The following KIAA1755 variants were observed in gnomAD, a reference collection of about 807,000 sequenced individuals.
KIAA1755 encodes KIAA1755, also known as uncharacterized protein KIAA1755.
Under a neutral mutation model 91.7 loss-of-function variants are expected in KIAA1755, and 68 were observed. The observed-to-expected ratio is 0.74, with a 90% CI of 0.61 to 0.91. The LOEUF (loss-of-function observed/expected upper bound fraction) is 0.91, where lower values mean the gene tolerates loss of function less well. Ranked by LOEUF, KIAA1755 falls within the 40% of genes least tolerant of loss-of-function variation. The pLI, the probability that KIAA1755 is intolerant of heterozygous loss-of-function variation, is 0.00. For missense variants in KIAA1755, 1,535 were observed against 1,494.4 expected, an observed-to-expected ratio of 1.03 and a Z score of -0.45; for synonymous variants, 610 against 604.6, an observed-to-expected ratio of 1.01 and a Z score of -0.13.
chr20:38,253,921 T>C (rs1272503597), intron 1 of KIAA1755, among the ~76,000 whole-genome samples: 1 of 152,246 alleles, frequency 6.6e-6, no homozygotes, highest in Non-Finnish European at 1.5e-5. Context: ...TTTGCTCTTG[T>C]TGCCCAGGCT....
chr20:38,229,137 T>C (rs2075816317), intron 5 of KIAA1755, among the ~76,000 whole-genome samples: 1 of 152,188 alleles, frequency 6.6e-6, no homozygotes, highest in Non-Finnish European at 1.5e-5. Context: ...CCCTCAAGCC[T>C]TACAACCACT....
intron 4 of KIAA1755, among the ~76,000 whole-genome samples, chr20:38,235,773 T>A (rs1203529971): frequency 6.6e-6 from 1 of 152,256 alleles, no homozygotes; most frequent in African/African-American, 2.4e-5. Flanking sequence ...TGTAATAACT[T>A]GTTATGGCCA....
At chr20:38,253,106 G>C (rs1045103473) in intron 1 of KIAA1755, among the ~76,000 whole-genome samples, 1 of 152,168 alleles carries the variant, frequency 6.6e-6, no homozygotes, top group South Asian at 2.1e-4. Context: ...AGGAGCCAGC[G>C]GGTGTGAGGC....
At chr20:38,248,681 T>TTTATTC (rs2076196856) in intron 1 of KIAA1755, among the ~76,000 whole-genome samples, 1 of 144,788 alleles carries the variant, frequency 6.9e-6, no homozygotes, top group African/African-American at 2.5e-5. Flanking sequence ...TTGTCTTCTC[T>TTTATTC]TTATTATTAT....
In KIAA1755 at chr20:38,241,765, T is replaced by C; in HGVS notation, c.366A>G (p.Lys122=). The C allele has an allele frequency of 1.9e-6, 3 of 1,614,118 alleles. No homozygotes were observed. The South Asian group carries it at 3.3e-5, about 18-fold the overall frequency. ...CTGTGCAGAGGTCCAGGGAGAGGCATTTGATCATGATGCAGACAGACTGCT... is the reference window on the plus strand; with the variant it reads ...CTGTGCAGAGGTCCAGGGAGAGGCACTTGATCATGATGCAGACAGACTGCT... ...QEEQSVCIMI[K]CLSLDLCTVD... is the part of the protein sequence containing the mutation. Residue 122 remains lysine, a synonymous_variant, in exon 3 of 14, where the codon AAA becomes AAG. Transcript: ENST00000279024.
chr20:38,252,454 C>T (rs1364747626), intron 1 of KIAA1755, among the ~76,000 whole-genome samples: 2 of 152,134 alleles, frequency 1.3e-5, no homozygotes, highest in South Asian at 4.1e-4. Context: ...AGGAATGACC[C>T]GTTTTGCAAG....
chr20:38,254,154 G>A (rs1372640689), intron 1 of KIAA1755, among the ~76,000 whole-genome samples: 1 of 152,142 alleles, frequency 6.6e-6, no homozygotes, highest in Non-Finnish European at 1.5e-5. Context: ...CAAAGTGCTG[G>A]GATTACAGTC....
intron 10 of KIAA1755, 142 bp from the exon 11 acceptor site, chr20:38,219,910 C>T (rs2123080331): frequency 9.2e-7 from 1 of 1,085,502 alleles, no homozygotes; most frequent in East Asian, 2.5e-5. Context: ...GTGGGCAGGC[C>T]CTTCACCAAG....
At chr20:38,219,498 T>C in intron 11 of KIAA1755, 132 bp downstream of exon 11, 1 of 1,265,126 alleles carries the variant, frequency 7.9e-7, no homozygotes, top group Non-Finnish European at 1.1e-6. Context: ...TGCCTGGCCT[T>C]TGAAGGATCG....
In KIAA1755 at chr20:38,240,951, C is replaced by G. The variant is rs371537592; in HGVS notation, c.1180G>C (p.Glu394Gln). The stretch of plus-strand genomic sequence containing the variant: ...CCCTGCATCTTGGAGGCAGCTGGCT[C>G]TTGTGAGACACCTGCCCTGAGACCA... ...ASGLRAGVSQEPAASKMQGPL... is the reference protein window; with the variant it reads ...ASGLRAGVSQQPAASKMQGPL... Residue 394 changes from glutamate (E) to glutamine (Q), a missense_variant, in exon 3 of 14, where the codon GAG becomes CAG. By Grantham distance (29) the Glu-to-Gln change is conservative. Transcript: ENST00000279024. The G allele has an allele frequency of 9.4e-5, 151 of 1,613,978 alleles. 1 individual carries two copies. Among genetic ancestry groups the G allele is most frequent in the Non-Finnish European group, 1.2e-4 (147 of 1,179,996 alleles).
chr20:38,244,769 C>T (rs1201261725), intron 2 of KIAA1755, among the ~76,000 whole-genome samples: 2 of 152,088 alleles, frequency 1.3e-5, no homozygotes, highest in South Asian at 2.1e-4. Flanking sequence ...AGTGCAATGG[C>T]GTGATCTTGG....
intron 4 of KIAA1755, among the ~76,000 whole-genome samples, chr20:38,235,140 A>G (rs1429079954): frequency 1.3e-5 from 2 of 152,214 alleles, no homozygotes; most frequent in South Asian, 2.1e-4. Flanking sequence ...ACGAGTGTGA[A>G]TGTATTCTAT....
chr20:38,248,466 G>A (rs1205443), intron 1 of KIAA1755, among the ~76,000 whole-genome samples: 50,296 of 151,844 alleles, frequency 0.33, 8,482 homozygotes, highest in Middle Eastern at 0.49. Flanking sequence ...TACCTGCAAG[G>A]TACTATACTT....
chr20:38,227,411 T>A (rs1430304598), intron 6 of KIAA1755, among the ~76,000 whole-genome samples, 171 bp from the exon 7 acceptor site: 1 of 152,214 alleles, frequency 6.6e-6, no homozygotes, highest in Non-Finnish European at 1.5e-5. Flanking sequence ...CGTGAATCAT[T>A]GGTTAGAAGT....
intron 10 of KIAA1755, among the ~76,000 whole-genome samples, chr20:38,220,780 C>T (rs540678102): frequency 1.9e-4 from 29 of 152,316 alleles, no homozygotes; most frequent in Middle Eastern, 3.4e-3. Context: ...ACATGCCTGC[C>T]GGCCCTGCCT....
chr20:38,249,782 G>T (rs1193258720), intron 1 of KIAA1755, among the ~76,000 whole-genome samples: 1 of 152,058 alleles, frequency 6.6e-6, no homozygotes, highest in Non-Finnish European at 1.5e-5. Flanking sequence ...CTGGCCCGGT[G>T]TCCTCTTCTA....
chr20:38,260,563 G>C lies in KIAA1755; in HGVS notation c.-63C>G, dbSNP rs558344658. The C allele has an allele frequency of 2.0e-6, 3 of 1,479,928 alleles. No homozygotes were observed. Among genetic ancestry groups the C allele is most frequent in the Admixed American group, 5.1e-5 (2 of 39,500 alleles). The allele number at this position is 1,479,928 out of a possible 1,614,324, so 91.7% of individuals were successfully genotyped here. On this transcript the variant is annotated 5_prime_UTR_variant, in exon 1 of 14. Coordinates refer to ENST00000279024, the MANE Select transcript of KIAA1755 (RefSeq NM_001029864.2). ...TCCTGGGCGCGGGGTCTGTGGGTCCGCGGGTCCGTCTGTCTGGGGCAGCCC... is the reference window on the plus strand; with the variant it reads ...TCCTGGGCGCGGGGTCTGTGGGTCCCCGGGTCCGTCTGTCTGGGGCAGCCC...
chr20:38,229,878 G>C (rs1418862434), intron 5 of KIAA1755, among the ~76,000 whole-genome samples: 2 of 152,122 alleles, frequency 1.3e-5, no homozygotes, highest in African/African-American at 4.8e-5. Flanking sequence ...CAGAAAAAGG[G>C]GGTCCCATCT....
At chr20:38,251,468 A>G (rs1243820360) in intron 1 of KIAA1755, among the ~76,000 whole-genome samples, 2 of 150,894 alleles carry the variant, frequency 1.3e-5, no homozygotes, top group Admixed American at 1.3e-4. Context: ...ATAGAAAACT[A>G]CCTGCTCACA....
Sources: allele counts gnomAD v4.1 joint callset (sites outside exome capture counted in the v4.1 genomes callset), GRCh38; gene constraint gnomAD v4.1.1; transcripts MANE v1.5; gene names NCBI Gene and HGNC (gene_info 2026-07-23, HGNC 2026-07-21).